SMCO2: variants seen among roughly 807,000 people sequenced by gnomAD.
SMCO2 encodes the protein single-pass membrane protein with coiled-coil domains 2, also known as single-pass membrane and coiled-coil domain-containing protein 2.
SMCO2 carries 25 observed loss-of-function variants against 29.5 expected under a neutral mutation model. The observed-to-expected ratio is 0.85, with a 90% CI of 0.62 to 1.18. The LOEUF (loss-of-function observed/expected upper bound fraction) is 1.18. Ranked by LOEUF, SMCO2 falls within the 50% of genes most tolerant of loss-of-function variation. SMCO2 has a pLI of 0.00. For missense variants in SMCO2, 348 were observed against 344.5 expected (o/e 1.01, Z -0.08); for synonymous variants, 117 against 123.3 (o/e 0.95, Z 0.34).
the SMCO2 span, among the ~76,000 whole-genome samples, chr12:27,459,668 G>C: frequency 6.6e-6 from 1 of 152,174 alleles, no homozygotes; most frequent in Admixed American, 6.5e-5. Context: ...GACAGGGACC[G>C]TGATTCTTTC....
intron 3 of SMCO2, chr12:27,473,195 AT>A (rs1949556189): frequency 3.3e-6 from 1 of 299,620 alleles, no homozygotes; most frequent in African/African-American, 2.2e-5. Context: ...AAATCACCAT[AT>A]GACCAAATCA....
intron 4 of SMCO2, among the ~76,000 whole-genome samples, chr12:27,478,738 C>G (rs1949613221): frequency 6.6e-6 from 1 of 152,112 alleles, no homozygotes; most frequent in South Asian, 2.1e-4. Context: ...TGGCAGTGAG[C>G]AGGGCCCATC....
chr12:27,472,656 CAGATGCTCCCTGGGACTGGGG>C, intron 2 of SMCO2, 99 bp from the exon 3 acceptor site: 1 of 619,080 alleles, frequency 1.6e-6, no homozygotes, highest in Non-Finnish European at 2.8e-6. Flanking sequence ...ACAAGGATAG[CAGATGCTCCCTGGGACTGGGG>C]AAGATCTCAG....
chr12:27,498,522 G>A (rs995695375), intron 7 of SMCO2: 9 of 229,024 alleles, frequency 3.9e-5, no homozygotes, highest in South Asian at 7.5e-5. Flanking sequence ...ACGCTGCTGC[G>A]TGAAGCAGTA....
At chr12:27,446,452 G>A in the SMCO2 span, 3 of 152,164 alleles carry the variant, frequency 2.0e-5, no homozygotes, top group Non-Finnish European at 2.9e-5. Flanking sequence ...TTCAACATAT[G>A]AATTTGGAGG....
intron 6 of SMCO2, among the ~76,000 whole-genome samples, chr12:27,494,737 A>G (rs999987771): frequency 2.2e-4 from 33 of 151,842 alleles, no homozygotes; most frequent in African/African-American, 8.0e-4. Flanking sequence ...ACTCCCACTT[A>G]TGAGTGTGAA....
intron 1 of SMCO2, among the ~76,000 whole-genome samples, chr12:27,470,108 G>T (rs1949528767): frequency 6.6e-6 from 1 of 152,104 alleles, no homozygotes; most frequent in Non-Finnish European, 1.5e-5. Flanking sequence ...TAACCTAGTT[G>T]TCAACAATGG....
At chr12:27,478,131 T>C (rs916690678) in intron 4 of SMCO2, among the ~76,000 whole-genome samples, 18 of 152,176 alleles carry the variant, frequency 1.2e-4, no homozygotes, top group African/African-American at 3.4e-4. Flanking sequence ...TGATTATTGG[T>C]GGGTGGGCAT....
chr12:27,492,923 G>T (rs1210412493), intron 5 of SMCO2, among the ~76,000 whole-genome samples: 1 of 152,098 alleles, frequency 6.6e-6, no homozygotes, highest in Non-Finnish European at 1.5e-5. Context: ...CAAAGACATA[G>T]AATCAACCTA....
chr12:27,452,896 A>G, the SMCO2 span, among the ~76,000 whole-genome samples: 1 of 152,138 alleles, frequency 6.6e-6, no homozygotes, highest in South Asian at 2.1e-4. Context: ...CTGATATCAC[A>G]TCACTAAGGG....
intron 4 of SMCO2, among the ~76,000 whole-genome samples, chr12:27,477,634 C>CCTTTTTTT (rs1949600537): frequency 9.1e-6 from 1 of 109,662 alleles, no homozygotes; most frequent in African/African-American, 3.8e-5. Flanking sequence ...CTTTTTCATT[C>CCTTTTTTT]TTTTTTTTTT....
intron 7 of SMCO2, among the ~76,000 whole-genome samples, chr12:27,500,161 A>G (rs1430101050): frequency 1.3e-5 from 2 of 150,450 alleles, no homozygotes; most frequent in Non-Finnish European, 2.9e-5. Context: ...TTTTTTTCCC[A>G]AAGAAAAATG....
chr12:27,486,375 G>A lies in SMCO2; in HGVS notation c.363-2085G>A, dbSNP rs183159770. Among the ~76,000 whole-genome samples, 332 of 152,194 alleles carry A rather than the reference G, an allele frequency of 2.2e-3. 2 individuals are homozygous for A. Among genetic ancestry groups the A allele is most frequent in the Non-Finnish European group, 2.9e-3 (195 of 68,012 alleles). On this transcript the variant is annotated intron_variant, in intron 4 of 7. Coordinates refer to ENST00000298876, the Ensembl canonical transcript of SMCO2. ...CATCCCCTTTCTCTGACTTGAAGTCGGGAAACTCTTTCCAGGAGTAACTTG... is the reference window on the plus strand; with the variant it reads ...CATCCCCTTTCTCTGACTTGAAGTCAGGAAACTCTTTCCAGGAGTAACTTG...
At chr12:27,445,748 A>T in the SMCO2 span, among the ~76,000 whole-genome samples, 2 of 152,270 alleles carry the variant, frequency 1.3e-5, no homozygotes, top group South Asian at 4.1e-4. Flanking sequence ...ACGAAATACC[A>T]CAGAGTGGGT....
chr12:27,441,666 A>T, the SMCO2 span, among the ~76,000 whole-genome samples: 1 of 17,638 alleles, frequency 5.7e-5, no homozygotes. Context: ...TAGACAGATC[A>T]TCCAGACAGA....
At chr12:27,496,100 T>C (rs2135578552) in intron 7 of SMCO2, among the ~76,000 whole-genome samples, 1 of 150,374 alleles carries the variant, frequency 6.7e-6, no homozygotes, top group South Asian at 2.1e-4. Context: ...AATCTAAAGA[T>C]TTATCTTTAG....
intron 4 of SMCO2, among the ~76,000 whole-genome samples, chr12:27,487,246 C>T (rs551486399): frequency 1.3e-5 from 2 of 152,316 alleles, no homozygotes; most frequent in African/African-American, 4.8e-5. Context: ...CCATCCCTAA[C>T]CCCTGGCAAC....
In SMCO2 at chr12:27,477,209, GGTT is replaced by G. The variant is rs1355759498; in HGVS notation, c.362+2297_362+2299del. 1.7e-3 allele frequency among the ~76,000 whole-genome samples: 231 copies of G among 134,044 alleles called. 3 individuals are homozygous for G. Among genetic ancestry groups the G allele is most frequent in the African/African-American group, 5.9e-3 (215 of 36,604 alleles). The allele number at this position is 134,044 out of a possible 152,430, so 87.9% of individuals were successfully genotyped here. ...CTGGGTATAGTATTCTTGGCTGTCAGGTTTTTTTTTTTTTTTTTTTTTTTTTCC... is the reference window on the plus strand; with the variant it reads ...CTGGGTATAGTATTCTTGGCTGTCAGTTTTTTTTTTTTTTTTTTTTTTTCC... On this transcript the variant is annotated intron_variant, in intron 4 of 7. Coordinates refer to ENST00000298876, the Ensembl canonical transcript of SMCO2.
At position 27,501,908 on chromosome 12, in the gene SMCO2, T is replaced by G. The variant is rs923560885; in HGVS notation, c.684-15T>G. 1 of 1,504,278 alleles carries G rather than the reference T, an allele frequency of 6.6e-7. No individual in the cohort carries two copies. The highest frequency in any genetic ancestry group is 2.2e-5 in the Admixed American group (1 of 45,864). 93.2% of individuals were successfully genotyped at this position (1,504,278 alleles called of 1,614,324 possible). ...TTCAGAATTTGGTTAACACAGATGT[T>G]TTCTCTCTTTGTAGGAAACGTGCAC... On this transcript the variant is annotated splice_polypyrimidine_tract_variant and intron_variant, in intron 7 of 7. Transcript: ENST00000298876.
Sources: allele counts gnomAD v4.1 joint callset (sites outside exome capture counted in the v4.1 genomes callset), GRCh38; gene constraint gnomAD v4.1.1; transcripts MANE v1.5; gene names NCBI Gene and HGNC (gene_info 2026-07-23, HGNC 2026-07-21).